ZPBP: variants seen among roughly 807,000 people sequenced by gnomAD.
ZPBP encodes zona pellucida binding protein.
In ZPBP, 26 loss-of-function variants were observed where a neutral mutation model predicts 44.8. That is an observed-to-expected ratio of 0.58 (90% CI 0.43 to 0.81). ZPBP has a LOEUF of 0.81. ZPBP is among the 30% of genes least tolerant of loss of function. ZPBP has a pLI of 0.00. For missense variants in ZPBP, 409 were observed against 434.0 expected, an observed-to-expected ratio of 0.94 and a Z score of 0.51; for synonymous variants, 174 against 153.2, an observed-to-expected ratio of 1.14 and a Z score of -1.00.
At chr7:49,923,784 G>T (rs1422761205) in intron 1 of ZPBP, among the ~76,000 whole-genome samples, 1 of 151,956 alleles carries the variant, frequency 6.6e-6, no homozygotes, top group African/African-American at 2.4e-5. Flanking sequence ...AATTTTTTCA[G>T]CTTTCATTTC....
chr7:50,024,899 T>C (rs191742362), intron 5 of ZPBP, among the ~76,000 whole-genome samples: 3 of 152,056 alleles, frequency 2.0e-5, no homozygotes, highest in Non-Finnish European at 4.4e-5. Flanking sequence ...ATATGTTAGT[T>C]TGCTTGACTT....
intron 2 of ZPBP, among the ~76,000 whole-genome samples, chr7:49,886,476 T>A (rs1791908944): frequency 6.6e-6 from 1 of 152,248 alleles, no homozygotes. Flanking sequence ...TTCATTGGTA[T>A]GCTCTTTTCC....
At chr7:49,984,714 G>A (rs889236936) in intron 6 of ZPBP, among the ~76,000 whole-genome samples, 6 of 152,130 alleles carry the variant, frequency 3.9e-5, no homozygotes, top group Non-Finnish European at 8.8e-5. Flanking sequence ...TTCCTATCAG[G>A]CCATGGACTG....
intron 6 of ZPBP, among the ~76,000 whole-genome samples, chr7:50,016,600 C>T (rs951481183): frequency 6.6e-6 from 1 of 152,104 alleles, no homozygotes; most frequent in African/African-American, 2.4e-5. Flanking sequence ...CAATTATCAC[C>T]TTGAGCCCAC....
intron 1 of ZPBP, among the ~76,000 whole-genome samples, chr7:49,908,576 TTA>T (rs1450158329): frequency 6.6e-5 from 10 of 152,264 alleles, no homozygotes; most frequent in African/African-American, 2.2e-4. Flanking sequence ...ATGTGTGTTT[TTA>T]TGTGTTCCTA....
At chr7:50,091,282 T>C (rs1802980720) in intron 1 of ZPBP, among the ~76,000 whole-genome samples, 1 of 152,208 alleles carries the variant, frequency 6.6e-6, no homozygotes, top group African/African-American at 2.4e-5. Flanking sequence ...CTGTGGGTTG[T>C]CTGTTTACTC....
At chr7:49,988,681 C>T (rs2128658) in intron 6 of ZPBP, among the ~76,000 whole-genome samples, 121,316 of 152,064 alleles carry the variant, frequency 0.8, 48,540 homozygotes, top group East Asian at 0.89. Context: ...AAAGGATGGT[C>T]TATAATCAGC....
At chr7:49,954,673 T>A (rs1795494137) in intron 7 of ZPBP, among the ~76,000 whole-genome samples, 1 of 152,104 alleles carries the variant, frequency 6.6e-6, no homozygotes, top group African/African-American at 2.4e-5. Context: ...GAGGAAGTGA[T>A]CAGGAAAAAA....
intron 1 of ZPBP, among the ~76,000 whole-genome samples, chr7:49,904,313 C>T (rs1328852155): frequency 6.6e-6 from 1 of 152,164 alleles, no homozygotes; most frequent in Non-Finnish European, 1.5e-5. Flanking sequence ...CTGTATTATT[C>T]TATAATCATG....
At chr7:49,969,824 G>T (rs1426897810) in intron 7 of ZPBP, among the ~76,000 whole-genome samples, 15,465 of 87,850 alleles carry the variant, frequency 0.18, 870 homozygotes, top group African/African-American at 0.23. Flanking sequence ...TATATAGAGA[G>T]AGAGAGAGAG....
chr7:49,939,444 A>AT (rs1177397771), intron 7 of ZPBP, among the ~76,000 whole-genome samples: 1 of 152,104 alleles, frequency 6.6e-6, no homozygotes, highest in Non-Finnish European at 1.5e-5. Context: ...ATACTAAAAT[A>AT]TTTTTTCTCT....
intron 3 of ZPBP, among the ~76,000 whole-genome samples, chr7:50,063,238 G>T (rs555112094): frequency 6.6e-6 from 1 of 152,172 alleles, no homozygotes; most frequent in Admixed American, 6.6e-5. Flanking sequence ...AAGGACTCCA[G>T]TTCTTTCTTT....
chr7:50,083,108 A>G (rs1230537817), intron 2 of ZPBP, among the ~76,000 whole-genome samples: 1 of 151,852 alleles, frequency 6.6e-6, no homozygotes, highest in Non-Finnish European at 1.5e-5. Context: ...TTGGCTTGAC[A>G]GTACCTCATA....
chr7:49,950,467 A>C (rs570923632), intron 7 of ZPBP, among the ~76,000 whole-genome samples: 17 of 151,970 alleles, frequency 1.1e-4, no homozygotes, highest in African/African-American at 4.1e-4. Context: ...GCAGCTTTTA[A>C]CAAAAATAAA....
chr7:50,024,986 T>C (rs770392463), intron 5 of ZPBP, among the ~76,000 whole-genome samples: 4 of 151,918 alleles, frequency 2.6e-5, no homozygotes, highest in Non-Finnish European at 5.9e-5. Context: ...AAAATTGTTT[T>C]AAAAAGTCAA....
intron 6 of ZPBP, among the ~76,000 whole-genome samples, chr7:49,990,259 T>C (rs1471165543): frequency 1.3e-5 from 2 of 152,200 alleles, no homozygotes; most frequent in African/African-American, 2.4e-5. Context: ...CAAAGGCTAC[T>C]GACAGCAGAG....
At position 49,992,564 on chromosome 7, in the gene ZPBP, T is replaced by C. The variant is rs538999126; in HGVS notation, c.784-9045A>G. 4.0e-5 allele frequency among the ~76,000 whole-genome samples: 6 copies of C among 151,702 alleles called. No individual in the cohort carries two copies. The South Asian group carries it at 6.3e-4, about 16-fold the overall frequency. ...ATTCAACATGAAAAACATAAACAGC[T>C]AGAAAAAAATATTACAATAGTATAA... On this transcript the variant is annotated intron_variant, in intron 6 of 7. Coordinates refer to ENST00000046087, the MANE Select transcript of ZPBP (RefSeq NM_007009.3).
intron 7 of ZPBP, among the ~76,000 whole-genome samples, chr7:49,959,781 G>T (rs1562801815): frequency 6.6e-6 from 1 of 151,890 alleles, no homozygotes; most frequent in East Asian, 1.9e-4. Context: ...AAAAAACAGG[G>T]AAAAAAGCAA....
At chr7:50,058,525 A>C (rs1397220709) in intron 3 of ZPBP, among the ~76,000 whole-genome samples, 1 of 152,172 alleles carries the variant, frequency 6.6e-6, no homozygotes, top group African/African-American at 2.4e-5. Flanking sequence ...ATTTAATGAT[A>C]AATTATGCCC....
Sources: allele counts gnomAD v4.1 joint callset (sites outside exome capture counted in the v4.1 genomes callset), GRCh38; gene constraint gnomAD v4.1.1; transcripts MANE v1.5; gene names NCBI Gene and HGNC (gene_info 2026-07-23, HGNC 2026-07-21).